GRP: variants seen among roughly 807,000 people sequenced by gnomAD.
The protein encoded by GRP is gastrin-releasing peptide.
GRP carries 11 observed loss-of-function variants against 12.7 expected under a neutral mutation model. The observed-to-expected ratio is 0.87, with a 90% CI of 0.55 to 1.44. The LOEUF is 1.44. Among genes scored for constraint, GRP ranks in the 40% most tolerant of loss-of-function variants. GRP has a pLI of 0.00. For missense variants in GRP, 212 were observed against 185.4 expected (o/e 1.14, Z -0.83); for synonymous variants, 84 against 77.7 (o/e 1.08, Z -0.43).
intron 2 of GRP, among the ~76,000 whole-genome samples, chr18:59,226,989 C>CTT (rs1555663382): frequency 6.4e-5 from 8 of 125,686 alleles, no homozygotes; most frequent in African/African-American, 2.8e-4. Flanking sequence ...GGTTTCTTTT[C>CTT]TTCCTTTCTT....
chr18:59,230,082 T>C (rs539855436), intron 2 of GRP, among the ~76,000 whole-genome samples: 1 of 152,310 alleles, frequency 6.6e-6, no homozygotes, highest in South Asian at 2.1e-4. Flanking sequence ...TGAGTAATCA[T>C]ATCAGGATGC....
At chr18:59,221,417 C>T (rs2069831421) in intron 1 of GRP, among the ~76,000 whole-genome samples, 1 of 152,204 alleles carries the variant, frequency 6.6e-6, no homozygotes, top group African/African-American at 2.4e-5. Context: ...CCCCAGGGCT[C>T]TCGGCGTCGC....
chr18:59,230,333 G>A lies in GRP; in HGVS notation c.383-71G>A, dbSNP rs867169276. The A allele has an allele frequency of 1.2e-5, 11 of 881,584 alleles. No homozygotes were observed. The Middle Eastern group carries it at 2.4e-3, about 191-fold the overall frequency. The allele number at this position is 881,584 out of a possible 1,614,324, so 54.6% of individuals were successfully genotyped here. On this transcript the variant is annotated intron_variant, in intron 2 of 2. Coordinates refer to ENST00000256857, the MANE Select transcript of GRP (RefSeq NM_002091.5). The stretch of plus-strand genomic sequence containing the variant: ...TCCCAAGTGATGCTGATGACTTGTA[G>A]GAATGGATTTACTTCTAGGATTAGA...
chr18:59,225,378 A>C (rs2069900493), intron 1 of GRP, 114 bp from the exon 2 acceptor site: 1 of 968,766 alleles, frequency 1.0e-6, no homozygotes, highest in Non-Finnish European at 1.6e-6. Flanking sequence ...TTTATTCTGC[A>C]TTTAGGAGGA....
intron 2 of GRP, among the ~76,000 whole-genome samples, chr18:59,229,364 A>AT (rs1290347210): frequency 2.0e-5 from 3 of 151,726 alleles, no homozygotes; most frequent in Non-Finnish European, 4.4e-5. Context: ...AGTTATGTAG[A>AT]TTTTTTTCCC....
At chr18:59,227,004 T>TCTTTCTTTCTTTCTTC (rs2069937684) in intron 2 of GRP, among the ~76,000 whole-genome samples, 1 of 99,854 alleles carries the variant, frequency 1.0e-5, no homozygotes, top group Non-Finnish European at 2.2e-5. Context: ...TTTCTTTCTT[T>TCTTTCTTTCTTTCTTC]CTTTCTTTCT....
chr18:59,220,345 C>T lies in GRP; in HGVS notation c.80C>T (p.Pro27Leu). ...CCCCGGGGGCGAGCGGTCCCGCTGC[C>T]TGCGGGCGGAGGGACCGTGCTGACC... ...LAPRGRAVPLPAGGGTVLTKM... is the reference protein window; with the variant it reads ...LAPRGRAVPLLAGGGTVLTKM... Residue 27 changes from proline (P) to leucine (L), a missense_variant, in exon 1 of 3, where the codon CCT (proline) becomes CTT (leucine). Physicochemically the swap from Pro to Leu is moderately conservative, Grantham distance 98 (BLOSUM62 -3). Transcript: ENST00000256857. 6.7e-7 allele frequency: 1 copy of T among 1,484,674 alleles called. No homozygotes were observed. Among genetic ancestry groups the T allele is most frequent in the Non-Finnish European group, 8.9e-7 (1 of 1,120,868 alleles). 92.0% of individuals were successfully genotyped at this position (1,484,674 alleles called of 1,614,324 possible). A position where few individuals can be genotyped will look rare whatever the true frequency, so the allele number is the denominator to read the frequency against.
chr18:59,225,604 G>T lies in GRP; in HGVS notation c.252G>T (p.Leu84Phe). ...GGTGGGAAGAAGCTGCAAGGAATTT[G>T]CTGGGTCTCATAGAAGCAAAGGAGA... is the stretch of plus-strand genomic sequence containing the variant. Reference protein sequence around the residue: ...YIRWEEAARNLLGLIEAKENR... With the variant: ...YIRWEEAARNFLGLIEAKENR... The change falls in exon 2 of 3, where the codon TTG becomes TTT. Residue 84 changes from leucine to phenylalanine, a missense_variant. Leu to Phe is a conservative substitution (Grantham distance 22, BLOSUM62 0). Coordinates refer to ENST00000256857, the MANE Select transcript of GRP (RefSeq NM_002091.5). 4 of 1,614,154 alleles carry T rather than the reference G, an allele frequency of 2.5e-6. No individual in the cohort carries two copies. The highest frequency in any genetic ancestry group is 3.4e-6 in the Non-Finnish European group (4 of 1,180,014).
intron 2 of GRP, among the ~76,000 whole-genome samples, chr18:59,227,592 T>C (rs2069964121): frequency 6.6e-6 from 1 of 152,148 alleles, no homozygotes; most frequent in African/African-American, 2.4e-5. Flanking sequence ...CCCTTGAAAA[T>C]AATTTTTGCA....
rs1289585119 is a variant in GRP at position 59,220,330 on chromosome 18, G to T, written c.65G>T (p.Arg22Leu). ...GTCCTCTGCCTGGCGCCCCGGGGGC[G>T]AGCGGTCCCGCTGCCTGCGGGCGGA... ...ALVLCLAPRG[R>L]AVPLPAGGGT... The change falls in exon 1 of 3, where the codon CGA becomes CTA. Residue 22 changes from arginine to leucine, a missense_variant. Coordinates refer to ENST00000256857, the MANE Select transcript of GRP (RefSeq NM_002091.5). The T allele has an allele frequency of 2.0e-6, 3 of 1,494,500 alleles. No homozygotes were observed. Among genetic ancestry groups the T allele is most frequent in the East Asian group, 2.7e-5 (1 of 36,544 alleles). The allele number at this position is 1,494,500 out of a possible 1,614,324, so 92.6% of individuals were successfully genotyped here. A position where few individuals can be genotyped will look rare whatever the true frequency, so the allele number is the denominator to read the frequency against.
chr18:59,229,067 C>G (rs1052695455), intron 2 of GRP, among the ~76,000 whole-genome samples: 9 of 152,282 alleles, frequency 5.9e-5, no homozygotes, highest in Middle Eastern at 3.4e-3. Flanking sequence ...ATAGGAAGGT[C>G]TTTTTTCTGA....
chr18:59,221,595 CTG>C (rs143541111), intron 1 of GRP, among the ~76,000 whole-genome samples: 99 of 149,460 alleles, frequency 6.6e-4, no homozygotes, highest in South Asian at 2.3e-3. Flanking sequence ...GTGTGTGTCT[CTG>C]TGTGTGTGTG....
chr18:59,226,822 G>A (rs1288227659), intron 2 of GRP, among the ~76,000 whole-genome samples: 1 of 152,198 alleles, frequency 6.6e-6, no homozygotes, highest in Non-Finnish European at 1.5e-5. Flanking sequence ...AAGACTGATG[G>A]CCCCTTTAGG....
At chr18:59,222,375 G>C (rs2069848960) in intron 1 of GRP, among the ~76,000 whole-genome samples, 1 of 152,200 alleles carries the variant, frequency 6.6e-6, no homozygotes, top group Non-Finnish European at 1.5e-5. Context: ...ATACCAACCA[G>C]TGGTGACCCC....
intron 2 of GRP, among the ~76,000 whole-genome samples, chr18:59,228,098 C>T (rs2069973445): frequency 6.6e-6 from 1 of 152,194 alleles, no homozygotes; most frequent in Non-Finnish European, 1.5e-5. Flanking sequence ...AGTTATCGCA[C>T]ACATTGGTAC....
chr18:59,225,775 G>A (rs1163873155), intron 2 of GRP, 41 bp downstream of exon 2: 7 of 1,594,744 alleles, frequency 4.4e-6, no homozygotes, highest in Non-Finnish European at 6.0e-6. Context: ...GGAGGTATCT[G>A]GGGAGAGGTG....
At chr18:59,226,984 C>CT (rs1019711164) in intron 2 of GRP, among the ~76,000 whole-genome samples, 42 of 115,324 alleles carry the variant, frequency 3.6e-4, no homozygotes, top group African/African-American at 1.4e-3. Flanking sequence ...TATGTGGTTT[C>CT]TTTTCTTCCT....
intron 2 of GRP, among the ~76,000 whole-genome samples, chr18:59,227,020 T>TCTTTCTTTCTTTCTTCCTTCCTTC (rs1603384255): frequency 1.4e-5 from 2 of 141,922 alleles, no homozygotes; most frequent in East Asian, 4.2e-4. Context: ...TTTCTTTCTT[T>TCTTTCTTTCTTTCTTCCTTCCTTC]CTTTCTTTCT....
rs754813828 is a variant in GRP, at chr18:59,220,285, C to G, written c.20C>G (p.Pro7Arg). 1 of 1,505,264 alleles carries G rather than the reference C, an allele frequency of 6.6e-7. No homozygotes were observed. Among genetic ancestry groups the G allele is most frequent in the Non-Finnish European group, 8.8e-7 (1 of 1,131,794 alleles). 93.2% of individuals were successfully genotyped at this position (1,505,264 alleles called of 1,614,324 possible). A position where few individuals can be genotyped will look rare whatever the true frequency, so the allele number is the denominator to read the frequency against. The change falls in exon 1 of 3, where the codon CCG (proline) becomes CGG (arginine). Residue 7 changes from proline (P) to arginine (R), a missense_variant. Coordinates refer to ENST00000256857, the MANE Select transcript of GRP (RefSeq NM_002091.5). ...GGGACCATGCGCGGCCGTGAGCTCC[C>G]GCTGGTCCTGCTGGCGCTGGTCCTC... MRGREL[P>R]LVLLALVLCL...
Sources: gnomAD v4.1 joint callset for allele counts (sites outside exome capture counted in the v4.1 genomes callset) on GRCh38, gnomAD v4.1.1 for gene constraint, MANE v1.5 for transcripts, NCBI Gene and HGNC (gene_info 2026-07-23, HGNC 2026-07-21) for gene names.